Variants in GPHN observed in about 807,000 individuals in gnomAD.
GPHN encodes gephyrin.
A neutral mutation model predicts 95.5 loss-of-function variants in GPHN; 17 were observed. The observed-to-expected ratio is 0.18, with a 90% CI of 0.12 to 0.27. The LOEUF (loss-of-function observed/expected upper bound fraction) is 0.27. Among genes scored for constraint, GPHN ranks in the 10% least tolerant of loss-of-function variants. The pLI is 1.00. For missense variants in GPHN, 660 were observed against 978.1 expected, an observed-to-expected ratio of 0.67 and a Z score of 4.34; for synonymous variants, 320 against 322.5, an observed-to-expected ratio of 0.99 and a Z score of 0.08.
At chr14:67,528,548 T>A in the GPHN span, among the ~76,000 whole-genome samples, 1 of 152,198 alleles carries the variant, frequency 6.6e-6, no homozygotes, top group Non-Finnish European at 1.5e-5. Context: ...AAAACTAGGA[T>A]GTTGCAAACT....
chr14:66,822,248 C>A (rs907442265), intron 3 of GPHN, among the ~76,000 whole-genome samples: 3 of 152,226 alleles, frequency 2.0e-5, no homozygotes, highest in Non-Finnish European at 4.4e-5. Flanking sequence ...CTGCGTCCAG[C>A]CAACTGATTT....
chr14:66,973,464 C>G (rs916191562), intron 9 of GPHN, among the ~76,000 whole-genome samples: 1 of 152,216 alleles, frequency 6.6e-6, no homozygotes, highest in African/African-American at 2.4e-5. Flanking sequence ...ACAAAGCCCT[C>G]TTTTAAGAAA....
chr14:66,649,109 A>C (rs975030847), intron 1 of GPHN, among the ~76,000 whole-genome samples: 8 of 152,256 alleles, frequency 5.3e-5, no homozygotes, highest in Admixed American at 5.2e-4. Flanking sequence ...AGGCCGGTGG[A>C]TTGCCTGAGC....
At chr14:67,292,907 A>C in the GPHN span, among the ~76,000 whole-genome samples, 1 of 152,214 alleles carries the variant, frequency 6.6e-6, no homozygotes, top group Non-Finnish European at 1.5e-5. Flanking sequence ...AGTTTACTTC[A>C]GAGTCAGAAC....
At chr14:67,416,080 A>T in the GPHN span, among the ~76,000 whole-genome samples, 1 of 152,234 alleles carries the variant, frequency 6.6e-6, no homozygotes. Context: ...CATGGCACAC[A>T]TTTACCTGTG....
chr14:67,143,539 A>G, intron 18 of GPHN, 90 bp downstream of exon 18: 1 of 841,458 alleles, frequency 1.2e-6, no homozygotes, highest in Non-Finnish European at 2.1e-6. Flanking sequence ...TCTGATATTC[A>G]TAACGAGGCT....
chr14:66,528,361 C>A (rs779936647), intron 1 of GPHN, among the ~76,000 whole-genome samples: 2 of 152,114 alleles, frequency 1.3e-5, no homozygotes, highest in Non-Finnish European at 2.9e-5. Context: ...TGTGTCTTTG[C>A]ATGTGAGATG....
At chr14:67,252,809 A>C in the GPHN span, among the ~76,000 whole-genome samples, 1 of 152,212 alleles carries the variant, frequency 6.6e-6, no homozygotes, top group Non-Finnish European at 1.5e-5. Context: ...CCTTGCTGTG[A>C]GCTAAATATT....
At chr14:67,242,627 A>AT in the GPHN span, among the ~76,000 whole-genome samples, 727 of 146,226 alleles carry the variant, frequency 5.0e-3, 4 homozygotes, top group African/African-American at 0.01. Context: ...AAGAACTACG[A>AT]TTTTTTTTTT....
At chr14:66,719,361 G>T (rs745459847) in intron 2 of GPHN, among the ~76,000 whole-genome samples, 3 of 152,136 alleles carry the variant, frequency 2.0e-5, no homozygotes, top group Admixed American at 6.6e-5. Flanking sequence ...AATTGACTCA[G>T]CTCCAGGTAA....
chr14:67,364,117 ATATTTGGGAG>A, the GPHN span: 1 of 152,214 alleles, frequency 6.6e-6, no homozygotes, highest in Non-Finnish European at 1.5e-5. Context: ...AAAGAAAGGA[ATATTTGGGAG>A]TATTGGGGAT....
At chr14:67,017,683 T>C (rs931013001) in intron 9 of GPHN, among the ~76,000 whole-genome samples, 3 of 152,110 alleles carry the variant, frequency 2.0e-5, no homozygotes, top group African/African-American at 7.2e-5. Flanking sequence ...AAACTCTTGG[T>C]ATAGAAAACT....
chr14:66,973,252 C>CCT (rs1308609308), intron 9 of GPHN, among the ~76,000 whole-genome samples: 5 of 152,138 alleles, frequency 3.3e-5, no homozygotes, highest in African/African-American at 1.2e-4. Flanking sequence ...GTTTACCTGT[C>CCT]CTCTGTGATC....
At chr14:67,733,942 C>A in the GPHN span, 1 of 899,478 alleles carries the variant, frequency 1.1e-6, no homozygotes, top group Non-Finnish European at 1.8e-6. Context: ...GTCCTCTTGG[C>A]CAGCTGGTGC....
At chr14:67,306,795 A>G in the GPHN span, among the ~76,000 whole-genome samples, 6 of 152,360 alleles carry the variant, frequency 3.9e-5, no homozygotes, top group Admixed American at 3.3e-4. Flanking sequence ...GAAAGGAAAC[A>G]GTAATAGGAA....
chr14:67,158,417 G>A (rs887920415), intron 18 of GPHN, among the ~76,000 whole-genome samples: 1 of 152,116 alleles, frequency 6.6e-6, no homozygotes, highest in Admixed American at 6.6e-5. Context: ...ACTACTGTGG[G>A]GAGAATGAAT....
At chr14:66,711,754 C>G (rs10142385) in intron 2 of GPHN, among the ~76,000 whole-genome samples, 1 of 150,930 alleles carries the variant, frequency 6.6e-6, no homozygotes, top group Non-Finnish European at 1.5e-5. Context: ...CCCTACCCCC[C>G]CACAGGCCCC....
intron 5 of GPHN, among the ~76,000 whole-genome samples, chr14:66,901,599 C>G (rs1027562697): frequency 1.3e-5 from 2 of 151,966 alleles, no homozygotes; most frequent in Non-Finnish European, 2.9e-5. Context: ...AGTGGATATC[C>G]AGTTTTCTCC....
the GPHN span, among the ~76,000 whole-genome samples, chr14:67,289,405 A>T: frequency 6.6e-6 from 1 of 152,124 alleles, no homozygotes; most frequent in Non-Finnish European, 1.5e-5. Context: ...TAACTGGAGG[A>T]TGTGTATACC....
Sources: gnomAD v4.1 joint callset for allele counts (sites outside exome capture counted in the v4.1 genomes callset) on GRCh38, gnomAD v4.1.1 for gene constraint, MANE v1.5 for transcripts, NCBI Gene and HGNC (gene_info 2026-07-23, HGNC 2026-07-21) for gene names.